MON2: variants seen among roughly 807,000 people sequenced by gnomAD.
MON2 encodes protein MON2 homolog.
Under a neutral mutation model 208.6 loss-of-function variants are expected in MON2, and 84 were observed. The observed-to-expected ratio is 0.40, with a 90% CI of 0.34 to 0.48. The LOEUF is 0.48. MON2 is among the 20% of genes least tolerant of loss of function. The pLI, the probability that MON2 is intolerant of heterozygous loss-of-function variation, is 0.59. For missense variants in MON2, 1,611 were observed against 2,015.4 expected (o/e 0.80, Z 3.84); for synonymous variants, 660 against 694.0 (o/e 0.95, Z 0.77).
chr12:62,502,526 A>G (rs2070895858), intron 7 of MON2, among the ~76,000 whole-genome samples: 2 of 152,130 alleles, frequency 1.3e-5, no homozygotes, highest in Admixed American at 6.5e-5. Context: ...TGGAATTTTA[A>G]TAATAGAAAG....
chr12:62,520,179 T>C (rs1035382826), intron 8 of MON2, among the ~76,000 whole-genome samples: 6 of 152,222 alleles, frequency 3.9e-5, no homozygotes, highest in Non-Finnish European at 8.8e-5. Context: ...ATTCATTTCA[T>C]TGGTCTTACA....
At chr12:62,500,911 C>A in intron 6 of MON2, 31 bp downstream of exon 6, 3 of 1,295,096 alleles carry the variant, frequency 2.3e-6, no homozygotes, top group South Asian at 1.4e-5. Context: ...AATTTTTATT[C>A]TAAAATATAG....
At chr12:62,540,863 A>C (rs2073200404) in intron 19 of MON2, among the ~76,000 whole-genome samples, 1 of 152,240 alleles carries the variant, frequency 6.6e-6, no homozygotes, top group Admixed American at 6.5e-5. Flanking sequence ...TATGCCATCT[A>C]TAAAAGTTAT....
chr12:62,576,017 T>G (rs2136431308), intron 30 of MON2, among the ~76,000 whole-genome samples: 1 of 152,276 alleles, frequency 6.6e-6, no homozygotes, highest in Non-Finnish European at 1.5e-5. Flanking sequence ...TTATTCATAG[T>G]AGCAAAAAAG....
chr12:62,523,378 C>T (rs1017682077), intron 8 of MON2, among the ~76,000 whole-genome samples: 4 of 152,140 alleles, frequency 2.6e-5, no homozygotes, highest in African/African-American at 9.7e-5. Context: ...TGTCCTTACG[C>T]ACAAGGTTGC....
Position 62,526,049 on chromosome 12 carries a change from A to C in MON2, c.1347A>C (p.Gly449=). The C allele has an allele frequency of 6.2e-7, 1 of 1,613,908 alleles. No individual in the cohort carries two copies. Among genetic ancestry groups the C allele is most frequent in the Non-Finnish European group, 8.5e-7 (1 of 1,179,866 alleles). The change falls in exon 11 of 35, where the codon GGA becomes GGC. Residue 449 remains glycine (G), a synonymous_variant. Transcript: ENST00000393630. ...TGCTACCAGCATTTGAATATAGGGG[A>C]ACCTGGATACCTATTCTGACAATCA... ...VTLLPAFEYR[G]TWIPILTITV... is the part of the protein sequence containing the mutation.
chr12:62,513,723 G>C (rs2071538875), intron 8 of MON2, among the ~76,000 whole-genome samples: 1 of 123,038 alleles, frequency 8.1e-6, no homozygotes, highest in Non-Finnish European at 1.9e-5. Context: ...GAGGCAGGCG[G>C]GTCATGAGGT....
At chr12:62,536,673 A>T (rs911307376) in intron 14 of MON2, among the ~76,000 whole-genome samples, 2 of 150,722 alleles carry the variant, frequency 1.3e-5, no homozygotes, top group East Asian at 1.9e-4. Flanking sequence ...TTTGTACCTC[A>T]TGAAGTTTTT....
chr12:62,514,811 A>T (rs1207002119), intron 8 of MON2, among the ~76,000 whole-genome samples: 4 of 152,256 alleles, frequency 2.6e-5, no homozygotes, highest in Non-Finnish European at 5.9e-5. Context: ...AATGTTAAAA[A>T]ATAGGCACAG....
chr12:62,550,104 T>G (rs568788897), intron 23 of MON2, among the ~76,000 whole-genome samples: 1 of 152,364 alleles, frequency 6.6e-6, no homozygotes, highest in East Asian at 1.9e-4. Context: ...AAGGGAAATC[T>G]TCAGTTGACT....
Position 62,499,034 on chromosome 12 carries a change from A to T in MON2, c.551A>T (p.Asp184Val), listed in dbSNP as rs752249320. The T allele has an allele frequency of 4.3e-6, 7 of 1,613,056 alleles. No individual in the cohort carries two copies. Among genetic ancestry groups the T allele is most frequent in the Non-Finnish European group, 5.9e-6 (7 of 1,179,628 alleles). Residue 184 changes from aspartate to valine, a missense_variant, in exon 5 of 35, where the codon GAT (aspartate) becomes GTT (valine). Coordinates refer to ENST00000393630, the MANE Select transcript of MON2 (RefSeq NM_015026.3). Reference sequence around the variant, plus strand: ...GTTTTTGAGAGGATGGTTGCTGAAGATGAACGACACAGAGGTAAAGTGCTA... The same window carrying T: ...GTTTTTGAGAGGATGGTTGCTGAAGTTGAACGACACAGAGGTAAAGTGCTA... Reference protein sequence around the residue: ...TVVFERMVAEDERHRDIIEQP... With the variant: ...TVVFERMVAEVERHRDIIEQP...
At chr12:62,550,909 C>CT (rs869160726) in intron 23 of MON2, among the ~76,000 whole-genome samples, 689 of 43,822 alleles carry the variant, frequency 0.016, 11 homozygotes, top group Middle Eastern at 0.048. Flanking sequence ...TTCTTTCTTT[C>CT]TTTTTTTTTT....
At chr12:62,582,403 C>T (rs537235992) in intron 32 of MON2, among the ~76,000 whole-genome samples, 2 of 152,326 alleles carry the variant, frequency 1.3e-5, no homozygotes, top group East Asian at 3.9e-4. Flanking sequence ...GAGAGTCCTT[C>T]ACCACCACAA....
In MON2 at chr12:62,597,907, A is replaced by G. The variant is rs1294256032; in HGVS notation, c.*5158A>G. 1 of 151,816 alleles carries G rather than the reference A, an allele frequency of 6.6e-6. No individual in the cohort carries two copies. The highest frequency in any genetic ancestry group is 2.4e-5 in the African/African-American group (1 of 41,316). The allele number at this position is 151,816 out of a possible 1,614,324, so 9.4% of individuals were successfully genotyped here. On this transcript the variant is annotated 3_prime_UTR_variant, in exon 35 of 35. Coordinates refer to ENST00000393630, the MANE Select transcript of MON2 (RefSeq NM_015026.3). ...ATCTCTAGTTCAAAAAAATATTTTTAATTAGGGTTTTGGTTTTTTATGATT... is the reference window on the plus strand; with the variant it reads ...ATCTCTAGTTCAAAAAAATATTTTTGATTAGGGTTTTGGTTTTTTATGATT...
intron 19 of MON2, among the ~76,000 whole-genome samples, chr12:62,539,520 G>A (rs1161977553): frequency 6.6e-6 from 1 of 151,788 alleles, no homozygotes; most frequent in Non-Finnish European, 1.5e-5. Flanking sequence ...GCCCGCCTCA[G>A]CCTCCCAAAG....
chr12:62,587,888 C>T (rs2075269523), intron 33 of MON2, 186 bp from the exon 34 acceptor site: 8 of 434,316 alleles, frequency 1.8e-5, no homozygotes, highest in Non-Finnish European at 3.3e-5. Context: ...TTGATTTGCA[C>T]ACTGAAGTAC....
intron 30 of MON2, among the ~76,000 whole-genome samples, chr12:62,573,394 C>CTTT (rs778858180): frequency 7.5e-6 from 1 of 134,172 alleles, no homozygotes; most frequent in South Asian, 2.4e-4. Flanking sequence ...TTCAGATCAG[C>CTTT]TTTTTTTTTT....
chr12:62,563,041 T>C (rs145810618), intron 26 of MON2, among the ~76,000 whole-genome samples: 1,794 of 152,340 alleles, frequency 0.012, 11 homozygotes, highest in South Asian at 0.031. Flanking sequence ...TATTTTTTGC[T>C]AAACTTCTTA....
At chr12:62,488,916 G>A (rs2069949092) in intron 2 of MON2, among the ~76,000 whole-genome samples, 1 of 151,978 alleles carries the variant, frequency 6.6e-6, no homozygotes, top group African/African-American at 2.4e-5. Flanking sequence ...AGGTTGATGG[G>A]TGCAGCAAAC....
Sources: allele counts gnomAD v4.1 joint callset (sites outside exome capture counted in the v4.1 genomes callset), GRCh38; gene constraint gnomAD v4.1.1; transcripts MANE v1.5; gene names NCBI Gene and HGNC (gene_info 2026-07-23, HGNC 2026-07-21).